ZC3H12B: variants seen among roughly 807,000 people sequenced by gnomAD.
ZC3H12B encodes the protein zinc finger CCCH-type containing 12B.
Under a neutral mutation model 43.9 loss-of-function variants are expected in ZC3H12B, and 7 were observed. The ratio of observed to expected loss-of-function variants is 0.16; its 90% CI spans 0.09 to 0.30. The LOEUF (loss-of-function observed/expected upper bound fraction) is 0.30. ZC3H12B is among the 10% of genes least tolerant of loss of function. The pLI, the probability that ZC3H12B is intolerant of heterozygous loss-of-function variation, is 1.00. For synonymous variants in ZC3H12B, 222 were observed against 241.7 expected (o/e 0.92, Z 0.76); for missense variants, 475 against 670.2 (o/e 0.71, Z 3.22).
chrX:65,215,003 A>T, the ZC3H12B span, among the ~76,000 whole-genome samples: 3 of 111,746 alleles, frequency 2.7e-5, no homozygotes, highest in African/African-American at 9.8e-5. Context: ...GTCAATGAGC[A>T]GTAATATTTC....
the ZC3H12B span, among the ~76,000 whole-genome samples, chrX:65,075,547 A>G: frequency 8.9e-6 from 1 of 112,056 alleles, no homozygotes; most frequent in Non-Finnish European, 1.9e-5. Flanking sequence ...CCATTTCTCA[A>G]GCAGTCCCCC....
the ZC3H12B span, among the ~76,000 whole-genome samples, chrX:65,130,311 G>A: frequency 9.0e-6 from 1 of 111,422 alleles, no homozygotes; most frequent in South Asian, 3.8e-4. Context: ...GGACTATATA[G>A]AGGTGGGAAG....
chrX:65,371,095 G>T (rs1163211214), intron 2 of ZC3H12B, among the ~76,000 whole-genome samples: 2 of 111,542 alleles, frequency 1.8e-5, no homozygotes, highest in Non-Finnish European at 3.8e-5. Context: ...TTAATAGAAA[G>T]ATTTAAATTA....
chrX:65,192,315 C>T, the ZC3H12B span, among the ~76,000 whole-genome samples: 1 of 111,765 alleles, frequency 8.9e-6, no homozygotes, highest in Admixed American at 9.5e-5. Context: ...AATTTGACTT[C>T]TTCCATTCCA....
the ZC3H12B span, among the ~76,000 whole-genome samples, chrX:65,318,924 T>C: frequency 2.7e-5 from 3 of 111,330 alleles, no homozygotes; most frequent in Non-Finnish European, 5.7e-5. Flanking sequence ...ACAGCTAAAG[T>C]ATGGTTAAGA....
At chrX:65,372,125 GA>G (rs1278610495) in intron 2 of ZC3H12B, among the ~76,000 whole-genome samples, 1 of 112,007 alleles carries the variant, frequency 8.9e-6, no homozygotes, top group African/African-American at 3.2e-5. Flanking sequence ...TAAAATCAAA[GA>G]AACTACATTT....
chrX:65,129,244 T>C, the ZC3H12B span, among the ~76,000 whole-genome samples: 2 of 106,448 alleles, frequency 1.9e-5, no homozygotes, highest in African/African-American at 7.0e-5. Context: ...TATATATGTA[T>C]GTGTGTATAT....
chrX:65,146,264 A>G, the ZC3H12B span, among the ~76,000 whole-genome samples: 1 of 111,642 alleles, frequency 9.0e-6, no homozygotes, highest in Admixed American at 9.5e-5. Flanking sequence ...TTTTACAGGT[A>G]TAATTCTATT....
At chrX:65,473,292 A>T (rs1482827046) in intron 3 of ZC3H12B, among the ~76,000 whole-genome samples, 1 of 110,371 alleles carries the variant, frequency 9.1e-6, no homozygotes, top group Non-Finnish European at 1.9e-5. Context: ...CTGGGATCAC[A>T]GGCATGAGCC....
At chrX:65,418,107 T>G (rs2066980905) in intron 3 of ZC3H12B, among the ~76,000 whole-genome samples, 2 of 112,139 alleles carry the variant, frequency 1.8e-5, no homozygotes, top group Admixed American at 1.9e-4. Context: ...CTATTTTATT[T>G]TATATTTTAA....
At chrX:65,218,998 C>A in the ZC3H12B span, among the ~76,000 whole-genome samples, 1 of 112,126 alleles carries the variant, frequency 8.9e-6, no homozygotes, top group Non-Finnish European at 1.9e-5. Flanking sequence ...TATTACAAGA[C>A]TCTTTGCAGA....
At chrX:65,229,163 A>G in the ZC3H12B span, among the ~76,000 whole-genome samples, 1 of 111,034 alleles carries the variant, frequency 9.0e-6, no homozygotes. Context: ...CCAAAACAGC[A>G]TGGTACTGGT....
the ZC3H12B span, among the ~76,000 whole-genome samples, chrX:65,286,370 A>G: frequency 1.8e-5 from 2 of 111,710 alleles, no homozygotes; most frequent in African/African-American, 6.5e-5. Context: ...CATTGGGTAC[A>G]CATAAAGATG....
chrX:65,071,805 C>G, the ZC3H12B span, among the ~76,000 whole-genome samples: 3 of 111,791 alleles, frequency 2.7e-5, no homozygotes, highest in Non-Finnish European at 5.6e-5. Context: ...TTGTAGGATT[C>G]CTACTGAGGC....
chrX:65,341,808 A>T, the ZC3H12B span, among the ~76,000 whole-genome samples: 870 of 111,273 alleles, frequency 7.8e-3, 5 homozygotes, highest in Non-Finnish European at 0.012. Context: ...AAAAAAAAAA[A>T]ATCTGGATAA....
intron 3 of ZC3H12B, among the ~76,000 whole-genome samples, chrX:65,438,795 G>A (rs1458484935): frequency 1.8e-5 from 2 of 113,357 alleles, no homozygotes; most frequent in African/African-American, 3.2e-5. Context: ...CGGGCCAGGT[G>A]TTCCTTGCCC....
At position 65,505,276 on chromosome X, in the gene ZC3H12B, TATAA is replaced by T. The variant is rs777481620; in HGVS notation, c.*2070_*2073del. 5 of 112,347 alleles carry T rather than the reference TATAA, an allele frequency of 4.5e-5. No homozygotes were observed. The South Asian group carries it at 1.5e-3, about 34-fold the overall frequency. 9.3% of individuals were successfully genotyped at this position (112,347 alleles called of 1,213,427 possible). A position where few individuals can be genotyped will look rare whatever the true frequency, so the allele number is the denominator to read the frequency against. ...CTTCATGAGAAGGTGTGACACTGCCTATAAATGTTTCTTACTGTGAAACACTCTG... is the reference window on the plus strand; with the variant it reads ...CTTCATGAGAAGGTGTGACACTGCCTATGTTTCTTACTGTGAAACACTCTG... On this transcript the variant is annotated 3_prime_UTR_variant, in exon 5 of 5. Transcript: ENST00000338957.
intron 3 of ZC3H12B, among the ~76,000 whole-genome samples, chrX:65,428,426 C>T (rs886362997): frequency 2.7e-5 from 3 of 112,209 alleles, no homozygotes; most frequent in Non-Finnish European, 5.6e-5. Context: ...TACATAATCC[C>T]ATATTTCTTG....
the ZC3H12B span, among the ~76,000 whole-genome samples, chrX:65,131,797 C>T: frequency 3.0e-4 from 33 of 111,243 alleles, no homozygotes; most frequent in African/African-American, 7.9e-4. Context: ...AGGTAGGTAA[C>T]GGATGGAGAA....
Sources: gnomAD v4.1 joint callset for allele counts (sites outside exome capture counted in the v4.1 genomes callset) on GRCh38, gnomAD v4.1.1 for gene constraint, MANE v1.5 for transcripts, NCBI Gene and HGNC (gene_info 2026-07-23, HGNC 2026-07-21) for gene names.